URB2: variants seen among roughly 807,000 people sequenced by gnomAD.
URB2 encodes the protein unhealthy ribosome biogenesis protein 2 homolog.
Under a neutral mutation model 120.9 loss-of-function variants are expected in URB2, and 86 were observed. That is an observed-to-expected ratio of 0.71 (90% CI 0.60 to 0.85). The LOEUF is 0.85. Among genes scored for constraint, URB2 ranks in the 40% least tolerant of loss-of-function variants. The pLI is 0.00. For synonymous variants in URB2, 755 were observed against 758.4 expected, an observed-to-expected ratio of 1.00 and a Z score of 0.07; for missense variants, 1,765 against 1,836.5, an observed-to-expected ratio of 0.96 and a Z score of 0.71.
At chr1:229,645,472 G>A (rs1666117995) in intron 5 of URB2, among the ~76,000 whole-genome samples, 1 of 152,026 alleles carries the variant, frequency 6.6e-6, no homozygotes, top group South Asian at 2.1e-4. Context: ...AGCGTGCATC[G>A]TTGCTCAGTG....
In URB2 at chr1:229,636,413, G is replaced by A. The variant is rs765930735; in HGVS notation, c.1800G>A (p.Gln600=). Residue 600 remains glutamine, a synonymous_variant, in exon 4 of 10, where the codon CAG becomes CAA. Transcript: ENST00000258243. The part of the protein sequence containing the change: ...TPGPEPELWL[Q]KVSDSVLLLS... ...GCCCAGAGCCAGAGCTGTGGCTGCA[G>A]AAGGTCAGTGACTCTGTGCTCCTGC... 1.2e-6 allele frequency: 2 copies of A among 1,614,262 alleles called. No homozygotes were observed. The highest frequency in any genetic ancestry group is 2.2e-5 in the South Asian group (2 of 91,086).
In URB2 at chr1:229,627,882, TG is replaced by T. The variant is rs1481014606; in HGVS notation, c.126+125del. On this transcript the variant is annotated intron_variant, in intron 2 of 9. Coordinates refer to ENST00000258243, the MANE Select transcript of URB2 (RefSeq NM_014777.4). ...GAAAAAGTTGGGGAGGGAACTTTGTTGGAAGTTAAATGTAATGTCAATGAAA... is the reference window on the plus strand; with the variant it reads ...GAAAAAGTTGGGGAGGGAACTTTGTTGAAGTTAAATGTAATGTCAATGAAA... The T allele has an allele frequency of 2.4e-6, 3 of 1,225,140 alleles. No homozygotes were observed. The Admixed American group carries it at 9.1e-5, about 37-fold the overall frequency. The allele number at this position is 1,225,140 out of a possible 1,614,324, so 75.9% of individuals were successfully genotyped here. A position where few individuals can be genotyped will look rare whatever the true frequency, so the allele number is the denominator to read the frequency against.
chr1:229,652,137 G>C (rs910258374), intron 8 of URB2, among the ~76,000 whole-genome samples: 4 of 151,822 alleles, frequency 2.6e-5, no homozygotes, highest in Non-Finnish European at 5.9e-5. Context: ...AGCTGAGATC[G>C]CGCCATTGCA....
At chr1:229,632,819 T>G (rs1239488961) in intron 3 of URB2, among the ~76,000 whole-genome samples, 2 of 151,560 alleles carry the variant, frequency 1.3e-5, no homozygotes, top group Non-Finnish European at 2.9e-5. Flanking sequence ...AGGTTTTTTT[T>G]TTTTTTTTTT....
At chr1:229,648,335 A>G (rs530054772) in intron 7 of URB2, among the ~76,000 whole-genome samples, 7 of 152,312 alleles carry the variant, frequency 4.6e-5, no homozygotes, top group African/African-American at 1.7e-4. Context: ...CTTTAGGATA[A>G]GGCATACACA....
At chr1:229,647,487 C>T in intron 6 of URB2, 23 bp from the exon 7 acceptor site, 1 of 1,600,232 alleles carries the variant, frequency 6.2e-7, no homozygotes, top group Non-Finnish European at 8.5e-7. Flanking sequence ...TTCATTTTTC[C>T]TTTATTTTAT....
In URB2 at chr1:229,636,217, T is replaced by TG; in HGVS notation, c.1606dup (p.Ala536GlyfsTer69). On this transcript the variant is annotated frameshift_variant, in exon 4 of 10. Coordinates refer to ENST00000258243, the MANE Select transcript of URB2 (RefSeq NM_014777.4). LOFTEE classifies it high-confidence loss of function. ...CCCTATTTGCAGAGTGATGCCGACATGGCCCTGAAATCACTGTCACTGAGC... is the reference window on the plus strand; with the variant it reads ...CCCTATTTGCAGAGTGATGCCGACATGGGCCCTGAAATCACTGTCACTGAGC... 6.2e-7 allele frequency: 1 copy of TG among 1,613,166 alleles called. No individual in the cohort carries two copies. The highest frequency in any genetic ancestry group is 2.2e-5 in the East Asian group (1 of 44,850).
intron 3 of URB2, among the ~76,000 whole-genome samples, chr1:229,633,276 T>G (rs778794241): frequency 1.1e-4 from 16 of 152,226 alleles, no homozygotes; most frequent in Non-Finnish European, 2.4e-4. Flanking sequence ...GGGTCACTTT[T>G]TAAAATAATA....
intron 7 of URB2, among the ~76,000 whole-genome samples, chr1:229,649,430 A>G (rs1666220570): frequency 6.6e-6 from 1 of 152,236 alleles, no homozygotes; most frequent in South Asian, 2.1e-4. Flanking sequence ...GCAGGATTTC[A>G]TGAAGTTGAT....
rs115233889 is a variant in URB2 at position 229,654,578 on chromosome 1, G to A, written c.4377+190G>A. 8.5e-3 allele frequency among the ~76,000 whole-genome samples: 1,295 copies of A among 152,104 alleles called. 22 individuals carry two copies. The highest frequency in any genetic ancestry group is 0.03 in the African/African-American group (1,224 of 41,466). Reference sequence around the variant, plus strand: ...TGCGATGATAGCACACTACAGCCTCGAACTCCTGGGCTCAAATGTTCCTCC... The same window carrying A: ...TGCGATGATAGCACACTACAGCCTCAAACTCCTGGGCTCAAATGTTCCTCC... On this transcript the variant is annotated intron_variant, in intron 9 of 9. Coordinates refer to ENST00000258243, the MANE Select transcript of URB2 (RefSeq NM_014777.4).
At chr1:229,641,063 A>G (rs1237406373) in intron 4 of URB2, among the ~76,000 whole-genome samples, 5 of 130,972 alleles carry the variant, frequency 3.8e-5, no homozygotes, top group African/African-American at 1.2e-4. Context: ...CCTAGGCTGG[A>G]GTACAGTGGC....
chr1:229,634,765 G>A (rs1359926260), intron 3 of URB2, 152 bp from the exon 4 acceptor site: 1 of 655,696 alleles, frequency 1.5e-6, no homozygotes, highest in African/African-American at 1.8e-5. Context: ...CTAAGCTTAT[G>A]TCAGGTTCAT....
At chr1:229,646,054 C>A in intron 6 of URB2, 85 bp downstream of exon 6, 1 of 1,276,390 alleles carries the variant, frequency 7.8e-7, no homozygotes, top group Non-Finnish European at 1.1e-6. Context: ...GGGTCTGCTG[C>A]CCTGTAGCTT....
Position 229,627,527 on chromosome 1 carries a change from A to G in URB2, c.-13-94A>G, listed in dbSNP as rs1571863764. On this transcript the variant is annotated intron_variant, in intron 1 of 9. Transcript: ENST00000258243. ...TTTTAAAAGAATACATATTAGGTAAACAAGATACAGTACTGCAATACTGTT... is the reference window on the plus strand; with the variant it reads ...TTTTAAAAGAATACATATTAGGTAAGCAAGATACAGTACTGCAATACTGTT... 2.5e-6 allele frequency: 3 copies of G among 1,206,408 alleles called. No individual in the cohort carries two copies. In the East Asian group the frequency reaches 8.1e-5, roughly 32 times the overall value. The allele number at this position is 1,206,408 out of a possible 1,614,324, so 74.7% of individuals were successfully genotyped here.
In URB2 at chr1:229,637,400, A is replaced by G. The variant is rs781159847; in HGVS notation, c.2787A>G (p.Leu929=). Residue 929 remains leucine (L), a synonymous_variant, in exon 4 of 10, where the codon CTA becomes CTG. Transcript: ENST00000258243. ...LVLLSMAVTK[L]GCSCSSSLAL... The stretch of plus-strand genomic sequence containing the variant: ...TACTGTCCATGGCCGTCACCAAACT[A>G]GGATGCTCTTGCTCCTCCTCACTGG... 28 of 1,614,182 alleles carry G rather than the reference A, an allele frequency of 1.7e-5. No homozygotes were observed. Among genetic ancestry groups the G allele is most frequent in the Non-Finnish European group, 2.1e-5 (25 of 1,180,032 alleles).
At chr1:229,632,688 C>CT (rs1665702209) in intron 3 of URB2, among the ~76,000 whole-genome samples, 1 of 152,078 alleles carries the variant, frequency 6.6e-6, no homozygotes, top group African/African-American at 2.4e-5. Flanking sequence ...CATTGATTAC[C>CT]TTTTTAATTG....
chr1:229,641,597 C>T (rs560969888), intron 4 of URB2, among the ~76,000 whole-genome samples: 4 of 152,212 alleles, frequency 2.6e-5, no homozygotes, highest in South Asian at 4.1e-4. Flanking sequence ...TGTGAAGAGG[C>T]GCCGTGCAGG....
intron 8 of URB2, among the ~76,000 whole-genome samples, chr1:229,653,451 A>G (rs886074476): frequency 6.6e-6 from 1 of 151,958 alleles, no homozygotes; most frequent in African/African-American, 2.4e-5. Flanking sequence ...TTTTTTCTCC[A>G]CTCTGGTCCC....
chr1:229,659,383 G>C lies in URB2; in HGVS notation c.*86G>C. The C allele has an allele frequency of 7.0e-7, 1 of 1,420,358 alleles. No individual in the cohort carries two copies. 88.0% of individuals were successfully genotyped at this position (1,420,358 alleles called of 1,614,324 possible). ...AAGAGCTGGAGAATGAAAGACTTAA[G>C]ATGTTCTAATTCGTAGTATTGGTAT... On this transcript the variant is annotated 3_prime_UTR_variant, in exon 10 of 10. Transcript: ENST00000258243.
Sources: allele counts gnomAD v4.1 joint callset (sites outside exome capture counted in the v4.1 genomes callset), GRCh38; gene constraint gnomAD v4.1.1; transcripts MANE v1.5; gene names NCBI Gene and HGNC (gene_info 2026-07-23, HGNC 2026-07-21).